The following CIRBP variants were observed in gnomAD, a reference collection of about 807,000 sequenced individuals.
CIRBP encodes the protein cold inducible RNA binding protein, also known as cold-inducible RNA-binding protein.
In CIRBP, 11 loss-of-function variants were observed where a neutral mutation model predicts 22.3. The ratio of observed to expected loss-of-function variants is 0.49; its 90% CI spans 0.31 to 0.82. The LOEUF (loss-of-function observed/expected upper bound fraction) is 0.82. Among genes scored for constraint, CIRBP ranks in the 40% least tolerant of loss-of-function variants. The probability of loss-of-function intolerance (pLI) is 0.05; values close to 1 mark genes in which losing one functional copy is unlikely to be tolerated. For synonymous variants in CIRBP, 216 were observed against 158.8 expected, an observed-to-expected ratio of 1.36 and a Z score of -2.71; for missense variants, 456 against 402.7, an observed-to-expected ratio of 1.13 and a Z score of -1.13.
Position 1,272,765 on chromosome 19 carries a change from T to C in CIRBP, c.*322T>C, listed in dbSNP as rs1198358564. ...GGTTTTTGGTTTTTGTTTTAGTTTTTGGTTGCGTTGCCTTTTTTTTTTTAG... is the reference window on the plus strand; with the variant it reads ...GGTTTTTGGTTTTTGTTTTAGTTTTCGGTTGCGTTGCCTTTTTTTTTTTAG... On this transcript the variant is annotated 3_prime_UTR_variant, in exon 6 of 6. Coordinates refer to ENST00000587896, the MANE Select transcript of CIRBP (RefSeq NM_001300829.2). 4.2e-6 allele frequency: 1 copy of C among 238,358 alleles called. No individual in the cohort carries two copies. Among genetic ancestry groups the C allele is most frequent in the Non-Finnish European group, 8.1e-6 (1 of 123,386 alleles). The allele number at this position is 238,358 out of a possible 1,614,324, so 14.8% of individuals were successfully genotyped here. A position where few individuals can be genotyped will look rare whatever the true frequency, so the allele number is the denominator to read the frequency against.
intron 1 of CIRBP, among the ~76,000 whole-genome samples, chr19:1,270,404 C>T (rs1389599418): frequency 1.3e-5 from 2 of 152,164 alleles, no homozygotes; most frequent in Non-Finnish European, 2.9e-5. Context: ...GGAAGGGAGA[C>T]ACCCATTGTG....
chr19:1,269,928 C>T (rs565548170), intron 1 of CIRBP: 5 of 519,964 alleles, frequency 9.6e-6, no homozygotes, highest in Admixed American at 3.9e-5. Flanking sequence ...TCCTCGTCTG[C>T]CACGTCGTGC....
chr19:1,270,625 T>C (rs577654440), intron 1 of CIRBP, among the ~76,000 whole-genome samples: 1 of 151,970 alleles, frequency 6.6e-6, no homozygotes, highest in East Asian at 1.9e-4. Flanking sequence ...TTAAAAAAAT[T>C]ATCCAGGCGT....
intron 1 of CIRBP, among the ~76,000 whole-genome samples, chr19:1,270,571 C>G (rs2081322343): frequency 1.3e-5 from 2 of 151,726 alleles, no homozygotes; most frequent in Non-Finnish European, 2.9e-5. Context: ...AGTTTCAGAC[C>G]AGCCTGGGCA....
chr19:1,270,791 G>C, intron 1 of CIRBP, 137 bp from the exon 2 acceptor site: 1 of 732,874 alleles, frequency 1.4e-6, no homozygotes, highest in South Asian at 1.7e-5. Flanking sequence ...CTAGGTATGA[G>C]TTTGAGATAA....
Position 1,271,529 on chromosome 19 carries a change from TCAC to T in CIRBP, c.350-21_350-19del, listed in dbSNP as rs767885831. 3 of 1,597,306 alleles carry T rather than the reference TCAC, an allele frequency of 1.9e-6. No individual in the cohort carries two copies. The Admixed American group carries it at 5.2e-5, about 28-fold the overall frequency. On this transcript the variant is annotated intron_variant, in intron 4 of 5. Coordinates refer to ENST00000587896, the MANE Select transcript of CIRBP (RefSeq NM_001300829.2). ...AGGTACTGCTGGTGGGAGCTGGTAC[TCAC>T]TTTTTCCTGTATGTGCAGGAGGAGG... is the stretch of plus-strand genomic sequence containing the variant.
chr19:1,270,767 C>G (rs2081325771), intron 1 of CIRBP, 161 bp from the exon 2 acceptor site: 3 of 638,120 alleles, frequency 4.7e-6, no homozygotes, highest in Non-Finnish European at 8.3e-6. Context: ...CCCCCGACCC[C>G]AAAAAAATAA....
At position 1,272,335 on chromosome 19, in the gene CIRBP, CGGCCGCA is replaced by C; in HGVS notation, c.793_799del (p.Arg265AlafsTer8). On this transcript the variant is annotated frameshift_variant, in exon 6 of 6. Transcript: ENST00000587896. LOFTEE classifies it high-confidence loss of function. ...TCGGCTGTGGGGGGTGGTTGCTCCCCGGCCGCAGGCCGCGCCCTGGTCTGGCCTCTGG... is the reference window on the plus strand; with the variant it reads ...TCGGCTGTGGGGGGTGGTTGCTCCCCGGCCGCGCCCTGGTCTGGCCTCTGG... 6.2e-7 allele frequency: 1 copy of C among 1,613,618 alleles called. No homozygotes were observed. The highest frequency in any genetic ancestry group is 8.5e-7 in the Non-Finnish European group (1 of 1,179,802).
Position 1,270,930 on chromosome 19 carries a change from C to A in CIRBP, c.-4C>A. The A allele has an allele frequency of 6.2e-7, 1 of 1,611,174 alleles. No homozygotes were observed. On this transcript the variant is annotated splice_region_variant and 5_prime_UTR_variant, in exon 2 of 6. Coordinates refer to ENST00000587896, the MANE Select transcript of CIRBP (RefSeq NM_001300829.2). ...GATTTCATTGGTGTCTGCCACAGGC[C>A]GCCATGGCATCAGATGAAGGCAAAC...
chr19:1,273,954 G>T lies in CIRBP; in HGVS notation c.*1511G>T. On this transcript the variant is annotated 3_prime_UTR_variant, in exon 6 of 6. Coordinates refer to ENST00000587896, the MANE Select transcript of CIRBP (RefSeq NM_001300829.2). ...TAGATGAAATCCCTTAAGCAGGATT[G>T]AAGACCAGTGAACGCCCCCGCCTTT... The T allele has an allele frequency of 4.8e-6, 1 of 206,800 alleles. No individual in the cohort carries two copies. Among genetic ancestry groups the T allele is most frequent in the Non-Finnish European group, 9.6e-6 (1 of 104,384 alleles). The allele number at this position is 206,800 out of a possible 1,614,324, so 12.8% of individuals were successfully genotyped here. A position where few individuals can be genotyped will look rare whatever the true frequency, so the allele number is the denominator to read the frequency against.
chr19:1,274,097 C>T lies in CIRBP; in HGVS notation c.*1654C>T, dbSNP rs546570519. 12 of 388,394 alleles carry T rather than the reference C, an allele frequency of 3.1e-5. No individual in the cohort carries two copies. In the South Asian group the frequency reaches 1.7e-3, roughly 56 times the overall value. The allele number at this position is 388,394 out of a possible 1,614,324, so 24.1% of individuals were successfully genotyped here. A position where few individuals can be genotyped will look rare whatever the true frequency, so the allele number is the denominator to read the frequency against. On this transcript the variant is annotated 3_prime_UTR_variant, in exon 6 of 6. Coordinates refer to ENST00000587896, the MANE Select transcript of CIRBP (RefSeq NM_001300829.2). ...TTTTTCTAGAGCCCACACTGGCCCA[C>T]ATAGCTCCATCCCATACGGGTAGCT...
rs1297560584 is a variant in CIRBP at position 1,271,040 on chromosome 19, A to C, written c.103+4A>C. 1 of 1,613,668 alleles carries C rather than the reference A, an allele frequency of 6.2e-7. No homozygotes were observed. Among genetic ancestry groups the C allele is most frequent in the Non-Finnish European group, 8.5e-7 (1 of 1,179,718 alleles). On this transcript the variant is annotated splice_donor_region_variant and intron_variant, in intron 2 of 5. Coordinates refer to ENST00000587896, the MANE Select transcript of CIRBP (RefSeq NM_001300829.2). ...AAGTACGGACAGATCTCTGAAGGTG[A>C]GGCTGCTGCTGGGCCCGCGGCCCTG...
At chr19:1,269,985 A>T (rs1258596098) in intron 1 of CIRBP, 2 of 519,746 alleles carry the variant, frequency 3.8e-6, no homozygotes, top group Non-Finnish European at 7.7e-6. Context: ...CCAGTGCCAG[A>T]CTTCCAAGTC....
At position 1,273,497 on chromosome 19, in the gene CIRBP, C is replaced by G. The variant is rs2081375866; in HGVS notation, c.*1054C>G. The G allele has an allele frequency of 6.6e-6, 1 of 152,296 alleles. No individual in the cohort carries two copies. 9.4% of individuals were successfully genotyped at this position (152,296 alleles called of 1,614,324 possible). On this transcript the variant is annotated 3_prime_UTR_variant, in exon 6 of 6. Transcript: ENST00000587896. ...GACCTGGACTGCCTCAGTCTAGAAGCAGGCCAGAGAGCAGAGGCACGTGGC... is the reference window on the plus strand; with the variant it reads ...GACCTGGACTGCCTCAGTCTAGAAGGAGGCCAGAGAGCAGAGGCACGTGGC...
At position 1,271,372 on chromosome 19, in the gene CIRBP, C is replaced by T. The variant is rs373489909; in HGVS notation, c.254C>T (p.Ser85Leu). Residue 85 changes from serine to leucine, a missense_variant, in exon 4 of 6, where the codon TCG becomes TTG. By Grantham distance (145) the Ser-to-Leu change is moderately radical. Coordinates refer to ENST00000587896, the MANE Select transcript of CIRBP (RefSeq NM_001300829.2). ...ATCCGAGTAGACCAGGCAGGCAAGT[C>T]GTCAGACAACCGATCCCGTGGGTAC... is the stretch of plus-strand genomic sequence containing the variant. Reference protein sequence around the residue: ...RQIRVDQAGKSSDNRSRGYRG... With the variant: ...RQIRVDQAGKLSDNRSRGYRG... The T allele has an allele frequency of 3.1e-5, 50 of 1,613,956 alleles. No individual in the cohort carries two copies. Among genetic ancestry groups the T allele is most frequent in the South Asian group, 5.5e-5 (5 of 91,080 alleles).
chr19:1,272,533 C>T lies in CIRBP; in HGVS notation c.*90C>T, dbSNP rs1600028972. On this transcript the variant is annotated 3_prime_UTR_variant, in exon 6 of 6. Transcript: ENST00000587896. ...TGAACGTTAATGTGTAGTAAATGCA[C>T]CTCCTTGTATTCCCACTTTCGTAGT... 6 of 1,105,396 alleles carry T rather than the reference C, an allele frequency of 5.4e-6. No homozygotes were observed. The highest frequency in any genetic ancestry group is 1.5e-5 in the South Asian group (1 of 64,912). The allele number at this position is 1,105,396 out of a possible 1,614,324, so 68.5% of individuals were successfully genotyped here.
intron 1 of CIRBP, among the ~76,000 whole-genome samples, chr19:1,270,582 A>G (rs1040432784): frequency 1.3e-5 from 2 of 152,036 alleles, no homozygotes; most frequent in African/African-American, 4.8e-5. Flanking sequence ...AGCCTGGGCA[A>G]CAGAGCAAGA....
chr19:1,274,297 G>A lies in CIRBP; in HGVS notation c.*1854G>A, dbSNP rs764249840. 3 of 401,288 alleles carry A rather than the reference G, an allele frequency of 7.5e-6. No homozygotes were observed. The highest frequency in any genetic ancestry group is 8.8e-5 in the Admixed American group (2 of 22,718). 24.9% of individuals were successfully genotyped at this position (401,288 alleles called of 1,614,324 possible). A position where few individuals can be genotyped will look rare whatever the true frequency, so the allele number is the denominator to read the frequency against. ...AGGACGTTGGGAGTAACGCTGCTTTGCTTTGGCAGGTTGAAGGGGCCCGGC... is the reference window on the plus strand; with the variant it reads ...AGGACGTTGGGAGTAACGCTGCTTTACTTTGGCAGGTTGAAGGGGCCCGGC... On this transcript the variant is annotated 3_prime_UTR_variant, in exon 6 of 6. Transcript: ENST00000587896.
rs778487475 is a variant in CIRBP, at chr19:1,271,258, G to C, written c.210+12G>C. ...CCATGAATGGGAAGGTGAGGATCAGGGTGCTGAGCAGGAGTCCCGTCTCGA... is the reference window on the plus strand; with the variant it reads ...CCATGAATGGGAAGGTGAGGATCAGCGTGCTGAGCAGGAGTCCCGTCTCGA... On this transcript the variant is annotated intron_variant, in intron 3 of 5. Coordinates refer to ENST00000587896, the MANE Select transcript of CIRBP (RefSeq NM_001300829.2). 6.2e-7 allele frequency: 1 copy of C among 1,614,016 alleles called. No homozygotes were observed. Among genetic ancestry groups the C allele is most frequent in the Non-Finnish European group, 8.5e-7 (1 of 1,179,994 alleles).
Sources: gnomAD v4.1 joint callset for allele counts (sites outside exome capture counted in the v4.1 genomes callset) on GRCh38, gnomAD v4.1.1 for gene constraint, MANE v1.5 for transcripts, NCBI Gene and HGNC (gene_info 2026-07-23, HGNC 2026-07-21) for gene names.